The following CDH18 variants were observed in gnomAD, a reference collection of about 807,000 sequenced individuals.
CDH18 encodes cadherin 18.
CDH18 carries 31 observed loss-of-function variants against 67.9 expected under a neutral mutation model. The ratio of observed to expected loss-of-function variants is 0.46; its 90% CI spans 0.34 to 0.62. The LOEUF (loss-of-function observed/expected upper bound fraction) is 0.62, where lower values mean the gene tolerates loss of function less well. Ranked by LOEUF, CDH18 falls within the 20% of genes least tolerant of loss-of-function variation. CDH18 has a pLI of 0.01. For missense variants in CDH18, 890 were observed against 975.5 expected, an observed-to-expected ratio of 0.91 and a Z score of 1.17; for synonymous variants, 362 against 347.2, an observed-to-expected ratio of 1.04 and a Z score of -0.48.
chr5:20,232,673 T>C (rs1369577893), intron 2 of CDH18, among the ~76,000 whole-genome samples: 1 of 152,102 alleles, frequency 6.6e-6, no homozygotes, highest in Non-Finnish European at 1.5e-5. Flanking sequence ...CATGCCACAT[T>C]GATATATTTT....
At chr5:20,386,031 A>C (rs1400198773) in intron 1 of CDH18, among the ~76,000 whole-genome samples, 2 of 152,206 alleles carry the variant, frequency 1.3e-5, no homozygotes, top group Admixed American at 6.5e-5. Flanking sequence ...TTATGAATCT[A>C]TCATGTTCTG....
At chr5:20,276,265 TC>T (rs1171472040) in intron 1 of CDH18, among the ~76,000 whole-genome samples, 1 of 152,124 alleles carries the variant, frequency 6.6e-6, no homozygotes, top group East Asian at 1.9e-4. Flanking sequence ...AGCTCACAGC[TC>T]CAGGAGAGAC....
Position 20,373,414 on chromosome 5 carries a change from CTG to C in CDH18, c.-579-117911_-579-117910del, listed in dbSNP as rs557232631. ...CAGACCCCAGCTCTCACACCCATCA[CTG>C]TACCAAGATTTCTAGTCCAATCTTT... is the stretch of plus-strand genomic sequence containing the variant. On this transcript the variant is annotated intron_variant, in intron 1 of 14. Coordinates refer to the CDH18 transcript ENST00000507958. 2.2e-4 allele frequency among the ~76,000 whole-genome samples: 33 copies of C among 152,256 alleles called. 1 individual carries two copies. The East Asian group carries it at 6.4e-3, about 30-fold the overall frequency.
At chr5:20,340,462 G>C (rs2150042369) in intron 1 of CDH18, among the ~76,000 whole-genome samples, 1 of 152,290 alleles carries the variant, frequency 6.6e-6, no homozygotes, top group East Asian at 1.9e-4. Context: ...ATTGCTACAG[G>C]TGTGGCAAAC....
Position 19,892,408 on chromosome 5 carries a change from G to A in CDH18, c.-256-53166C>T, listed in dbSNP as rs115758968. ...GAAAGGGTTGGAAACAAGAATTTGT[G>A]TAGGGCATCAACTTTGTAATGTTAT... On this transcript the variant is annotated intron_variant, in intron 2 of 12. Transcript: ENST00000382275. Among the ~76,000 whole-genome samples, 632 of 152,216 alleles carry A rather than the reference G, an allele frequency of 4.2e-3. 2 individuals carry two copies. The highest frequency in any genetic ancestry group is 0.014 in the African/African-American group (602 of 41,542).
chr5:19,907,347 T>C (rs767736151), intron 2 of CDH18, among the ~76,000 whole-genome samples: 2 of 151,960 alleles, frequency 1.3e-5, no homozygotes, highest in African/African-American at 2.4e-5. Flanking sequence ...TTTTTAAATA[T>C]TTGCAAATGC....
chr5:19,573,630 G>C (rs1741833876), intron 7 of CDH18, among the ~76,000 whole-genome samples: 2 of 152,038 alleles, frequency 1.3e-5, no homozygotes, highest in South Asian at 4.1e-4. Context: ...TTCTTTCCTT[G>C]AATCCTTCCT....
chr5:20,434,202 T>C (rs887222258), intron 1 of CDH18, among the ~76,000 whole-genome samples: 4 of 152,134 alleles, frequency 2.6e-5, no homozygotes, highest in South Asian at 2.1e-4. Flanking sequence ...AACCACTGTC[T>C]GGAGTAGGCC....
chr5:20,194,669 TA>T (rs370885749), intron 2 of CDH18, among the ~76,000 whole-genome samples: 69,946 of 139,138 alleles, frequency 0.5, 16,523 homozygotes, highest in Middle Eastern at 0.6. Flanking sequence ...TTTTTTTTTT[TA>T]AAAAGAATGG....
At position 20,281,034 on chromosome 5, in the gene CDH18, T is replaced by A. The variant is rs1269599616; in HGVS notation, c.-579-25529A>T. Among the ~76,000 whole-genome samples, 348 of 152,228 alleles carry A rather than the reference T, an allele frequency of 2.3e-3. 3 individuals are homozygous for A. The highest frequency in any genetic ancestry group is 8.2e-3 in the African/African-American group (340 of 41,516). ...TGAGAAGTGTCTGTTCCTATCCTTT[T>A]CCCACTTTTTGATGGGGTTGTTTGT... On this transcript the variant is annotated intron_variant, in intron 1 of 14. Transcript: ENST00000507958.
chr5:19,769,232 C>CT (rs1398881757), intron 3 of CDH18, among the ~76,000 whole-genome samples: 1 of 151,916 alleles, frequency 6.6e-6, no homozygotes, highest in African/African-American at 2.4e-5. Context: ...GTAGCATAAA[C>CT]TAAAAGGGAT....
At chr5:20,323,321 G>T (rs1157826823) in intron 1 of CDH18, among the ~76,000 whole-genome samples, 1 of 152,072 alleles carries the variant, frequency 6.6e-6, no homozygotes, top group African/African-American at 2.4e-5. Flanking sequence ...TGTGATGACT[G>T]TATCAAGATT....
chr5:19,481,855 T>C (rs1739476134), intron 12 of CDH18, among the ~76,000 whole-genome samples: 2 of 152,152 alleles, frequency 1.3e-5, no homozygotes, highest in African/African-American at 4.8e-5. Context: ...AAAAACAGGC[T>C]GCTAAGAGAA....
chr5:19,862,903 G>A (rs1195093118), intron 2 of CDH18, among the ~76,000 whole-genome samples: 1 of 151,612 alleles, frequency 6.6e-6, no homozygotes, highest in Non-Finnish European at 1.5e-5. Context: ...CAGGAGAAGG[G>A]GGTATGCCAG....
chr5:20,513,741 TC>T (rs1213599832), intron 1 of CDH18, among the ~76,000 whole-genome samples: 7 of 151,224 alleles, frequency 4.6e-5, no homozygotes, highest in African/African-American at 9.7e-5. Context: ...GTCCTAAATG[TC>T]CTTTTATTTT....
chr5:20,488,673 T>TTTTATATATATATATATATA (rs1435006497), intron 1 of CDH18, among the ~76,000 whole-genome samples: 59 of 126,936 alleles, frequency 4.6e-4, no homozygotes, highest in Non-Finnish European at 7.6e-4. Context: ...GGGTAGTGTT[T>TTTTATATATATATATATATA]TATATATATA....
chr5:19,819,904 A>C (rs2149939382), intron 3 of CDH18, among the ~76,000 whole-genome samples: 1 of 152,244 alleles, frequency 6.6e-6, no homozygotes, highest in African/African-American at 2.4e-5. Flanking sequence ...CACTCCCATA[A>C]GAGGAGGCAC....
intron 1 of CDH18, among the ~76,000 whole-genome samples, chr5:20,455,691 T>A (rs558745356): frequency 6.6e-6 from 1 of 152,106 alleles, no homozygotes; most frequent in African/African-American, 2.4e-5. Flanking sequence ...ATAGATTTTA[T>A]ACAAATATAA....
At chr5:20,404,611 T>A (rs1196099593) in intron 1 of CDH18, among the ~76,000 whole-genome samples, 1 of 151,976 alleles carries the variant, frequency 6.6e-6, no homozygotes, top group East Asian at 1.9e-4. Flanking sequence ...ATTGATAGAG[T>A]TCATCATTTT....
Sources: allele counts gnomAD v4.1 joint callset (sites outside exome capture counted in the v4.1 genomes callset), GRCh38; gene constraint gnomAD v4.1.1; transcripts MANE v1.5; gene names NCBI Gene and HGNC (gene_info 2026-07-23, HGNC 2026-07-21).